PTPRO: variants seen among roughly 807,000 people sequenced by gnomAD.
The protein encoded by PTPRO is receptor-type tyrosine-protein phosphatase O.
A neutral mutation model predicts 145.2 loss-of-function variants in PTPRO; 62 were observed. That is an observed-to-expected ratio of 0.43 (90% CI 0.35 to 0.53). The LOEUF (loss-of-function observed/expected upper bound fraction) is 0.53. Ranked by LOEUF, PTPRO falls within the 20% of genes least tolerant of loss-of-function variation. The probability of loss-of-function intolerance (pLI) is 0.01; values close to 1 mark genes in which losing one functional copy is unlikely to be tolerated. For synonymous variants in PTPRO, 565 were observed against 514.7 expected (o/e 1.10, Z -1.32); for missense variants, 1,345 against 1,482.7 (o/e 0.91, Z 1.53).
chr12:15,576,760 T>C (rs935766984), intron 19 of PTPRO, among the ~76,000 whole-genome samples: 1 of 152,230 alleles, frequency 6.6e-6, no homozygotes, highest in Non-Finnish European at 1.5e-5. Flanking sequence ...GAGAAATTAC[T>C]AGCCTTATCT....
At chr12:15,429,376 G>A (rs895144731) in intron 1 of PTPRO, among the ~76,000 whole-genome samples, 2 of 152,166 alleles carry the variant, frequency 1.3e-5, no homozygotes, top group African/African-American at 4.8e-5. Context: ...ATGTGTCACG[G>A]AAGGACTTTG....
chr12:15,571,720 G>T (rs1944055138), intron 19 of PTPRO, among the ~76,000 whole-genome samples: 1 of 152,044 alleles, frequency 6.6e-6, no homozygotes, highest in African/African-American at 2.4e-5. Context: ...GGAGGATTTT[G>T]ATGGACGAGC....
chr12:15,443,537 A>G (rs1027333213), intron 1 of PTPRO, among the ~76,000 whole-genome samples: 2 of 152,196 alleles, frequency 1.3e-5, no homozygotes, highest in African/African-American at 4.8e-5. Context: ...ACACCGAAAG[A>G]AACTATCAAC....
At chr12:15,421,614 G>A in intron 1 of PTPRO, among the ~76,000 whole-genome samples, 1 of 152,208 alleles carries the variant, frequency 6.6e-6, no homozygotes, top group African/African-American at 2.4e-5. Flanking sequence ...AGGTAGAGAA[G>A]AAGAAAGCAA....
rs1942226578 is a variant in PTPRO at position 15,501,781 on chromosome 12, C to T, written c.823C>T (p.Pro275Ser). Reference protein sequence around the residue: ...FHFTEETPEIPSGNISSGWPD... With the variant: ...FHFTEETPEISSGNISSGWPD... ...TTTTACAGAAGAAACCCCTGAAATT[C>T]CCTCGGGCAACATTTCTTCCGGTTG... Residue 275 changes from proline (P) to serine (S), a missense_variant, in exon 5 of 27, where the codon CCC becomes TCC. Physicochemically the swap from Pro to Ser is moderately conservative, Grantham distance 74. Coordinates refer to ENST00000281171, the MANE Select transcript of PTPRO (RefSeq NM_030667.3). 1 of 1,614,080 alleles carries T rather than the reference C, an allele frequency of 6.2e-7. No individual in the cohort carries two copies. Among genetic ancestry groups the T allele is most frequent in the Non-Finnish European group, 8.5e-7 (1 of 1,180,006 alleles).
At chr12:15,415,750 C>T (rs1393419044) in intron 1 of PTPRO, among the ~76,000 whole-genome samples, 1 of 151,674 alleles carries the variant, frequency 6.6e-6, no homozygotes, top group African/African-American at 2.4e-5. Flanking sequence ...TAAAAATTAG[C>T]TGCATGTCTT....
At chr12:15,345,196 T>G (rs892918644) in intron 1 of PTPRO, among the ~76,000 whole-genome samples, 1 of 152,244 alleles carries the variant, frequency 6.6e-6, no homozygotes, top group Non-Finnish European at 1.5e-5. Flanking sequence ...CATGTCTTCC[T>G]GAACCTAGCA....
At chr12:15,415,615 G>A (rs922339542) in intron 1 of PTPRO, among the ~76,000 whole-genome samples, 9 of 151,708 alleles carry the variant, frequency 5.9e-5, no homozygotes, top group South Asian at 2.1e-4. Flanking sequence ...TCGATCTCCC[G>A]ACCTTGTGAT....
chr12:15,467,641 G>T (rs1270151423), intron 1 of PTPRO, among the ~76,000 whole-genome samples: 1 of 152,090 alleles, frequency 6.6e-6, no homozygotes, highest in Non-Finnish European at 1.5e-5. Context: ...GGACCTTCCT[G>T]CCCCTTGAGT....
chr12:15,349,708 A>G lies in PTPRO; in HGVS notation c.75+26907A>G, dbSNP rs530553835. On this transcript the variant is annotated intron_variant, in intron 1 of 26. Transcript: ENST00000281171. ...AAAAGCTAACAAAAGTAGGATTCAAACCCAGTTGTTAATCACATTAAAGCC... is the reference window on the plus strand; with the variant it reads ...AAAAGCTAACAAAAGTAGGATTCAAGCCCAGTTGTTAATCACATTAAAGCC... 4.7e-4 allele frequency among the ~76,000 whole-genome samples: 72 copies of G among 152,346 alleles called. 1 individual carries two copies. Among genetic ancestry groups the G allele is most frequent in the African/African-American group, 1.7e-3 (70 of 41,592 alleles).
intron 14 of PTPRO, among the ~76,000 whole-genome samples, chr12:15,550,445 A>G (rs1943425477): frequency 6.6e-6 from 1 of 152,184 alleles, no homozygotes; most frequent in Admixed American, 6.5e-5. Flanking sequence ...GAACCTGCAC[A>G]GTTCAAACTC....
chr12:15,508,697 T>C lies in PTPRO; in HGVS notation c.1394T>C (p.Val465Ala), dbSNP rs776740064. ...SSQENYNSTI[V>A]SVVSLTCQKQ... ...CAAGAGAACTACAACAGCACCATTG[T>C]GTCTGTGGTGTCGCTGACCTGCCAG... Residue 465 changes from valine (V) to alanine (A), a missense_variant, in exon 7 of 27, where the codon GTG (valine) becomes GCG (alanine). By Grantham distance (64) the Val-to-Ala change is moderately conservative (BLOSUM62 0). Transcript: ENST00000281171. The C allele has an allele frequency of 8.7e-6, 14 of 1,613,946 alleles. No individual in the cohort carries two copies. Among genetic ancestry groups the C allele is most frequent in the Non-Finnish European group, 5.1e-6 (6 of 1,179,988 alleles).
At chr12:15,557,763 G>C (rs773143443) in intron 16 of PTPRO, among the ~76,000 whole-genome samples, 2 of 152,076 alleles carry the variant, frequency 1.3e-5, no homozygotes, top group Non-Finnish European at 2.9e-5. Context: ...ACAAGGGACT[G>C]AAACAGTGGT....
intron 1 of PTPRO, among the ~76,000 whole-genome samples, chr12:15,476,412 G>A (rs538950576): frequency 6.6e-6 from 1 of 152,022 alleles, no homozygotes; most frequent in Admixed American, 6.5e-5. Context: ...TGATGGGGTT[G>A]TTTGTTTTTT....
chr12:15,406,612 C>T (rs537232772), intron 1 of PTPRO, among the ~76,000 whole-genome samples: 1 of 152,148 alleles, frequency 6.6e-6, no homozygotes, highest in African/African-American at 2.4e-5. Flanking sequence ...GTTGAACAGG[C>T]AATAATGCCA....
rs955199359 is a variant in PTPRO, at chr12:15,597,191, T to G, written c.*1118T>G. The stretch of plus-strand genomic sequence containing the variant: ...GTTTCATTTTAACGAGTGTAACTAG[T>G]AACATTTTATTCTTTGGATTTTGTA... On this transcript the variant is annotated 3_prime_UTR_variant, in exon 27 of 27. Coordinates refer to ENST00000281171, the MANE Select transcript of PTPRO (RefSeq NM_030667.3). 1 of 152,256 alleles carries G rather than the reference T, an allele frequency of 6.6e-6. No individual in the cohort carries two copies. Among genetic ancestry groups the G allele is most frequent in the African/African-American group, 2.4e-5 (1 of 41,462 alleles). The allele number at this position is 152,256 out of a possible 1,614,324, so 9.4% of individuals were successfully genotyped here.
intron 1 of PTPRO, among the ~76,000 whole-genome samples, chr12:15,330,391 C>T (rs551431694): frequency 7.2e-5 from 11 of 152,232 alleles, no homozygotes; most frequent in Middle Eastern, 6.8e-3. Flanking sequence ...GGAAGAGTAG[C>T]GGTCTCAAGA....
chr12:15,566,695 A>G (rs2051321998), intron 18 of PTPRO, among the ~76,000 whole-genome samples: 2 of 151,870 alleles, frequency 1.3e-5, no homozygotes, highest in Non-Finnish European at 2.9e-5. Context: ...TGATTTTTGT[A>G]TTTTTAGTAG....
chr12:15,549,277 A>C, intron 14 of PTPRO, 51 bp downstream of exon 14: 1 of 1,324,988 alleles, frequency 7.5e-7, no homozygotes. Context: ...GAATATATAT[A>C]TATATATGTA....
Sources: gnomAD v4.1 joint callset for allele counts (sites outside exome capture counted in the v4.1 genomes callset) on GRCh38, gnomAD v4.1.1 for gene constraint, MANE v1.5 for transcripts, NCBI Gene and HGNC (gene_info 2026-07-23, HGNC 2026-07-21) for gene names.